IFTAP: variants seen among roughly 807,000 people sequenced by gnomAD.
The protein encoded by IFTAP is intraflagellar transport associated protein.
IFTAP carries 19 observed loss-of-function variants against 19.4 expected under a neutral mutation model. That is an observed-to-expected ratio of 0.98 (90% CI 0.68 to 1.44). The LOEUF is 1.44. Ranked by LOEUF, IFTAP falls within the 40% of genes most tolerant of loss-of-function variation. The probability of loss-of-function intolerance (pLI) is 0.00; values close to 1 mark genes in which losing one functional copy is unlikely to be tolerated. For missense variants in IFTAP, 240 were observed against 253.6 expected, an observed-to-expected ratio of 0.95 and a Z score of 0.36; for synonymous variants, 85 against 83.5, an observed-to-expected ratio of 1.02 and a Z score of -0.10.
In IFTAP at chr11:36,610,108, C is replaced by G. The variant is rs755033051; in HGVS notation, c.5C>G (p.Ser2Cys). 3 of 1,612,786 alleles carry G rather than the reference C, an allele frequency of 1.9e-6. No homozygotes were observed. Among genetic ancestry groups the G allele is most frequent in the Non-Finnish European group, 2.5e-6 (3 of 1,179,250 alleles). ...ACTGTGGCCTCATGAATAGGAATGT[C>G]TGCCCATATGTCAGGATTGGAAATA... M[S>C]AHMSGLEIMD... The change falls in exon 2 of 6, where the codon TCT (serine) becomes TGT (cysteine). Residue 2 changes from serine (S) to cysteine (C), a missense_variant. Transcript: ENST00000334307.
At chr11:36,627,988 A>G (rs1197185812) in intron 2 of IFTAP, among the ~76,000 whole-genome samples, 1 of 150,486 alleles carries the variant, frequency 6.6e-6, no homozygotes, top group East Asian at 1.9e-4. Flanking sequence ...TTAAAAACAA[A>G]AGAGAACTCA....
intron 1 of IFTAP, among the ~76,000 whole-genome samples, chr11:36,607,144 A>G (rs897477294): frequency 6.6e-6 from 1 of 152,108 alleles, no homozygotes; most frequent in Non-Finnish European, 1.5e-5. Flanking sequence ...AATTATCTTG[A>G]TTTATCTTTA....
chr11:36,598,904 T>C (rs910099182), intron 1 of IFTAP, among the ~76,000 whole-genome samples: 16 of 152,230 alleles, frequency 1.1e-4, no homozygotes, highest in Admixed American at 1.0e-3. Flanking sequence ...GGGAAAAGAT[T>C]AAATGAGATA....
intron 2 of IFTAP, 31 bp downstream of exon 2, chr11:36,610,270 A>G (rs1328124505): frequency 6.5e-7 from 1 of 1,548,990 alleles, no homozygotes. Flanking sequence ...TTCTGCAGCA[A>G]TGGAGATAAA....
intron 3 of IFTAP, among the ~76,000 whole-genome samples, chr11:36,635,149 C>A (rs1033520550): frequency 2.6e-5 from 4 of 151,964 alleles, no homozygotes; most frequent in African/African-American, 9.7e-5. Context: ...GAAGAAAGAC[C>A]CAGCCTGTCT....
At chr11:36,619,617 T>A (rs1852223414) in intron 2 of IFTAP, among the ~76,000 whole-genome samples, 1 of 152,064 alleles carries the variant, frequency 6.6e-6, no homozygotes, top group African/African-American at 2.4e-5. Context: ...ATGTGTTAGA[T>A]AGAGACCAGA....
At chr11:36,625,875 GTC>G (rs1195711217) in intron 2 of IFTAP, among the ~76,000 whole-genome samples, 1 of 152,150 alleles carries the variant, frequency 6.6e-6, no homozygotes, top group East Asian at 1.9e-4. Context: ...AATGAGGTGA[GTC>G]TGCAGATATT....
intron 5 of IFTAP, among the ~76,000 whole-genome samples, chr11:36,649,691 ATTT>A (rs1489933117): frequency 2.6e-5 from 4 of 152,160 alleles, no homozygotes; most frequent in African/African-American, 9.6e-5. Context: ...ATGGTGGTAT[ATTT>A]AAGAGGAATA....
At chr11:36,650,544 CT>C (rs11378736) in intron 5 of IFTAP, among the ~76,000 whole-genome samples, 11 of 141,166 alleles carry the variant, frequency 7.8e-5, no homozygotes, top group South Asian at 2.2e-4. Context: ...ACCACTGGTT[CT>C]TTTTTTTTTT....
At chr11:36,624,035 G>A (rs1333195831) in intron 2 of IFTAP, among the ~76,000 whole-genome samples, 2 of 151,896 alleles carry the variant, frequency 1.3e-5, no homozygotes, top group Non-Finnish European at 2.9e-5. Context: ...TTATTTCCAG[G>A]AAAACCACTT....
At chr11:36,604,064 G>A (rs1590735176) in intron 1 of IFTAP, among the ~76,000 whole-genome samples, 1 of 152,144 alleles carries the variant, frequency 6.6e-6, no homozygotes. Flanking sequence ...TTTTTAGGAT[G>A]GATGTGCTCC....
chr11:36,606,233 C>T (rs984363386), intron 1 of IFTAP, among the ~76,000 whole-genome samples: 3 of 152,018 alleles, frequency 2.0e-5, no homozygotes, highest in African/African-American at 4.8e-5. Flanking sequence ...CCAAGGCAGG[C>T]GGATCACCTG....
rs1462665973 is a variant in IFTAP, at chr11:36,633,342, C to T, written c.195C>T (p.Thr65=). The change falls in exon 3 of 6, where the codon ACC becomes ACT. Residue 65 remains threonine (T), a synonymous_variant. Coordinates refer to ENST00000334307, the MANE Select transcript of IFTAP (RefSeq NM_138787.4). ...CTGATTCTTCAGAAAACATTTTTAC[C>T]TCAGCAAAAGTTACTCATAAAAATG... ...FGTDSSENIF[T]SAKVTHKNEA... is the part of the protein sequence containing the mutation. 6.2e-7 allele frequency: 1 copy of T among 1,602,192 alleles called. No individual in the cohort carries two copies. Among genetic ancestry groups the T allele is most frequent in the Non-Finnish European group, 8.5e-7 (1 of 1,174,832 alleles).
intron 2 of IFTAP, among the ~76,000 whole-genome samples, chr11:36,611,416 T>C (rs1851871693): frequency 6.6e-6 from 1 of 152,094 alleles, no homozygotes; most frequent in South Asian, 2.1e-4. Flanking sequence ...CTGGTGCTTC[T>C]AATATGTACT....
intron 1 of IFTAP, among the ~76,000 whole-genome samples, chr11:36,598,700 G>A (rs192729426): frequency 1.3e-5 from 2 of 152,252 alleles, no homozygotes; most frequent in Admixed American, 6.5e-5. Context: ...ATAATACAGT[G>A]TAATGATTAA....
At chr11:36,632,906 A>G (rs2133453061) in intron 2 of IFTAP, among the ~76,000 whole-genome samples, 1 of 151,196 alleles carries the variant, frequency 6.6e-6, no homozygotes, top group East Asian at 1.9e-4. Context: ...TTTTTCCCTC[A>G]TAAGTTTTCT....
chr11:36,628,226 C>T (rs1202514893), intron 2 of IFTAP, among the ~76,000 whole-genome samples: 3 of 151,084 alleles, frequency 2.0e-5, no homozygotes, highest in Non-Finnish European at 4.4e-5. Flanking sequence ...AAATATACCC[C>T]GTCCATGTGT....
chr11:36,657,805 C>T (rs902002952), intron 5 of IFTAP, among the ~76,000 whole-genome samples: 3 of 152,110 alleles, frequency 2.0e-5, no homozygotes, highest in Admixed American at 6.6e-5. Context: ...GGAAACTCAC[C>T]GTGGCAAACT....
chr11:36,632,947 GAA>G (rs887490878), intron 2 of IFTAP, among the ~76,000 whole-genome samples: 1 of 150,798 alleles, frequency 6.6e-6, no homozygotes, highest in Admixed American at 6.6e-5. Context: ...TTCATATAAA[GAA>G]AAAAATCCCT....
Sources: gnomAD v4.1 joint callset for allele counts (sites outside exome capture counted in the v4.1 genomes callset) on GRCh38, gnomAD v4.1.1 for gene constraint, MANE v1.5 for transcripts, NCBI Gene and HGNC (gene_info 2026-07-23, HGNC 2026-07-21) for gene names.